Variants in ANOS1 observed in about 807,000 individuals in gnomAD.
ANOS1 encodes anosmin-1.
Under a neutral mutation model 59.0 loss-of-function variants are expected in ANOS1, and 6 were observed. The ratio of observed to expected loss-of-function variants is 0.10; its 90% CI spans 0.06 to 0.20. The LOEUF (loss-of-function observed/expected upper bound fraction) is 0.20. Among genes scored for constraint, ANOS1 ranks in the 10% least tolerant of loss-of-function variants. The pLI, the probability that ANOS1 is intolerant of heterozygous loss-of-function variation, is 1.00. For synonymous variants in ANOS1, 217 were observed against 223.4 expected, an observed-to-expected ratio of 0.97 and a Z score of 0.25; for missense variants, 433 against 542.3, an observed-to-expected ratio of 0.80 and a Z score of 2.00.
rs1000614726 is a variant in ANOS1, at chrX:8,654,114, C to G, written c.256-30444G>C. ...GTCTTTACTCTCAACTCCAAGCCAT[C>G]CAGCCCCAGGGCTAGAGCTGACACT... On this transcript the variant is annotated intron_variant, in intron 2 of 13. Transcript: ENST00000262648. 3.6e-5 allele frequency among the ~76,000 whole-genome samples: 4 copies of G among 111,721 alleles called. No homozygotes were observed. In the South Asian group the frequency reaches 1.5e-3, roughly 42 times the overall value.
chrX:8,648,667 T>C (rs1377379788), intron 2 of ANOS1, among the ~76,000 whole-genome samples: 1 of 111,875 alleles, frequency 8.9e-6, no homozygotes. Flanking sequence ...TTTTAATTCT[T>C]TATATTTGGA....
intron 12 of ANOS1, chrX:8,535,153 G>T (rs1254745635): frequency 8.2e-6 from 1 of 122,673 alleles, no homozygotes. Context: ...CTGGAAGACA[G>T]GCCAACTCAT....
At chrX:8,674,346 C>G (rs1226060751) in intron 2 of ANOS1, among the ~76,000 whole-genome samples, 1 of 111,961 alleles carries the variant, frequency 8.9e-6, no homozygotes, top group Non-Finnish European at 1.9e-5. Flanking sequence ...CCTACTTAGT[C>G]TGTTTTGCTG....
intron 2 of ANOS1, among the ~76,000 whole-genome samples, chrX:8,666,087 T>A (rs1280444604): frequency 9.0e-6 from 1 of 110,757 alleles, no homozygotes; most frequent in Non-Finnish European, 1.9e-5. Flanking sequence ...GCACCTGTAG[T>A]CCCAAGGCTG....
intron 5 of ANOS1, among the ~76,000 whole-genome samples, chrX:8,586,081 A>C (rs1281806230): frequency 1.8e-5 from 2 of 112,165 alleles, no homozygotes; most frequent in Non-Finnish European, 3.8e-5. Context: ...TGCTTTCAAC[A>C]ATGTTCTGTG....
intron 8 of ANOS1, among the ~76,000 whole-genome samples, chrX:8,554,562 T>TG (rs1305589334): frequency 0.017 from 1,654 of 99,108 alleles, 34 homozygotes; most frequent in African/African-American, 0.06. Context: ...TTTTTTTTTT[T>TG]TTTTTTTTGT....
At chrX:8,642,919 T>C (rs1373517028) in intron 2 of ANOS1, among the ~76,000 whole-genome samples, 2 of 112,345 alleles carry the variant, frequency 1.8e-5, no homozygotes, top group African/African-American at 6.5e-5. Context: ...AGTCTGAGAA[T>C]AGATCATCAA....
chrX:8,539,548 T>G, intron 10 of ANOS1, 116 bp downstream of exon 10: 1 of 1,115,509 alleles, frequency 9.0e-7, no homozygotes. Flanking sequence ...TTCCATCAAG[T>G]CATTACTCCA....
rs1244777561 is a variant in ANOS1 at position 8,534,390 on chromosome X, G to T, written c.1913C>A (p.Thr638Asn). The T allele has an allele frequency of 8.3e-7, 1 of 1,210,288 alleles. No homozygotes were observed. Among genetic ancestry groups the T allele is most frequent in the Admixed American group, 2.2e-5 (1 of 46,010 alleles). Reference protein sequence around the residue: ...TLYRLEVQVLTPGGEGPATIK... With the variant: ...TLYRLEVQVLNPGGEGPATIK... ...GGTGGCCGGCCCCTCCCCTCCTGGGGTCAGCACTTGCACTTCCAGTCGGTA... is the reference window on the plus strand; with the variant it reads ...GGTGGCCGGCCCCTCCCCTCCTGGGTTCAGCACTTGCACTTCCAGTCGGTA... The change falls in exon 13 of 14, where the codon ACC becomes AAC. Residue 638 changes from threonine (T) to asparagine (N), a missense_variant. By Grantham distance (65) the Thr-to-Asn change is moderately conservative (BLOSUM62 0). Coordinates refer to ENST00000262648, the MANE Select transcript of ANOS1 (RefSeq NM_000216.4).
intron 2 of ANOS1, among the ~76,000 whole-genome samples, chrX:8,655,638 A>T: frequency 9.0e-6 from 1 of 111,109 alleles, no homozygotes; most frequent in Non-Finnish European, 1.9e-5. Flanking sequence ...CCTTTAGAGA[A>T]ATAATTTTCC....
rs1414163282 is a variant in ANOS1 at position 8,531,418 on chromosome X, GAAGC to G, written c.*1573_*1576del. On this transcript the variant is annotated 3_prime_UTR_variant, in exon 14 of 14. Transcript: ENST00000262648. ...AATTCAGGAAACAATAAAACAACAA[GAAGC>G]AAGTACCATTGTCAAAACCTAAGGA... 1.8e-5 allele frequency: 2 copies of G among 111,459 alleles called. No homozygotes were observed. Among genetic ancestry groups the G allele is most frequent in the Non-Finnish European group, 3.8e-5 (2 of 53,098 alleles). 9.2% of individuals were successfully genotyped at this position (111,459 alleles called of 1,213,427 possible).
chrX:8,534,262 T>C, intron 13 of ANOS1, 57 bp downstream of exon 13: 1 of 1,150,427 alleles, frequency 8.7e-7, no homozygotes, highest in Non-Finnish European at 1.2e-6. Context: ...CAGCAAGATT[T>C]TTCTCTATGT....
intron 8 of ANOS1, among the ~76,000 whole-genome samples, chrX:8,558,633 C>T (rs1415974561): frequency 1.8e-5 from 2 of 111,057 alleles, no homozygotes; most frequent in African/African-American, 3.3e-5. Context: ...AATACCATTT[C>T]GTGAAAAAAG....
At chrX:8,621,944 T>C (rs950702186) in intron 3 of ANOS1, among the ~76,000 whole-genome samples, 2 of 112,001 alleles carry the variant, frequency 1.8e-5, no homozygotes, top group African/African-American at 6.5e-5. Context: ...ATTTTTAAAA[T>C]AGTTAAAGTA....
At chrX:8,679,789 G>A (rs1232675544) in intron 2 of ANOS1, among the ~76,000 whole-genome samples, 1 of 111,252 alleles carries the variant, frequency 9.0e-6, no homozygotes. Flanking sequence ...TGGGCGCGGT[G>A]GCTCACCAGT....
rs530681123 is a variant in ANOS1 at position 8,691,325 on chromosome X, G to A, written c.255+8373C>T. 2.5e-4 allele frequency among the ~76,000 whole-genome samples: 28 copies of A among 111,364 alleles called. No homozygotes were observed. The South Asian group carries it at 0.011, about 42-fold the overall frequency. ...TTGACCTCGTGATCCACCTGCCTTGGACTCCCAAAGTGGAGAAATATTTTA... is the reference window on the plus strand; with the variant it reads ...TTGACCTCGTGATCCACCTGCCTTGAACTCCCAAAGTGGAGAAATATTTTA... On this transcript the variant is annotated intron_variant, in intron 2 of 13. Transcript: ENST00000262648.
At chrX:8,693,951 T>C (rs1358768174) in intron 2 of ANOS1, among the ~76,000 whole-genome samples, 1 of 110,854 alleles carries the variant, frequency 9.0e-6, no homozygotes, top group Non-Finnish European at 1.9e-5. Context: ...CTCCATCTCC[T>C]GCCCTTGTCA....
chrX:8,716,011 C>A (rs1373163965), intron 1 of ANOS1, among the ~76,000 whole-genome samples: 1 of 110,747 alleles, frequency 9.0e-6, no homozygotes, highest in African/African-American at 3.3e-5. Context: ...GCATGGCATC[C>A]CAGAAAACTC....
intron 6 of ANOS1, among the ~76,000 whole-genome samples, chrX:8,584,885 A>G (rs1601964815): frequency 8.9e-6 from 1 of 112,065 alleles, no homozygotes; most frequent in Admixed American, 9.5e-5. Flanking sequence ...TCAATTTAAC[A>G]ATCATTTCAA....
Sources: gnomAD v4.1 joint callset for allele counts (sites outside exome capture counted in the v4.1 genomes callset) on GRCh38, gnomAD v4.1.1 for gene constraint, MANE v1.5 for transcripts, NCBI Gene and HGNC (gene_info 2026-07-23, HGNC 2026-07-21) for gene names.